Variants in BRD7 observed in about 807,000 individuals in gnomAD.
BRD7 encodes the protein bromodomain containing 7.
Under a neutral mutation model 82.1 loss-of-function variants are expected in BRD7, and 15 were observed. The ratio of observed to expected loss-of-function variants is 0.18; its 90% CI spans 0.12 to 0.28. BRD7 has a LOEUF of 0.28. BRD7 is among the 10% of genes least tolerant of loss of function. The pLI, the probability that BRD7 is intolerant of heterozygous loss-of-function variation, is 1.00. For missense variants in BRD7, 638 were observed against 779.9 expected (o/e 0.82, Z 2.17); for synonymous variants, 232 against 266.9 (o/e 0.87, Z 1.27).
intron 2 of BRD7, among the ~76,000 whole-genome samples, chr16:50,367,566 T>TACTC (rs2039195200): frequency 1.3e-5 from 2 of 152,248 alleles, no homozygotes; most frequent in African/African-American, 4.8e-5. Context: ...AGATGGTAGC[T>TACTC]ACTCATTCTT....
chr16:50,365,851 C>A (rs116752273), intron 2 of BRD7, among the ~76,000 whole-genome samples: 1 of 151,624 alleles, frequency 6.6e-6, no homozygotes, highest in African/African-American at 2.4e-5. Flanking sequence ...ATCTAAAGGG[C>A]AGGAGTTCCA....
At position 50,368,782 on chromosome 16, in the gene BRD7, C is replaced by A; in HGVS notation, c.-8G>T. On this transcript the variant is annotated 5_prime_UTR_variant, in exon 1 of 17. Transcript: ENST00000394688. The stretch of plus-strand genomic sequence containing the variant: ...CTTGTGCTTCTTGCCCATGTCCGAC[C>A]GGGCCCCGGTGCCCGCCCCCCGCGC... 4 of 1,527,914 alleles carry A rather than the reference C, an allele frequency of 2.6e-6. No individual in the cohort carries two copies. The highest frequency in any genetic ancestry group is 2.6e-6 in the Non-Finnish European group (3 of 1,137,362). The allele number at this position is 1,527,914 out of a possible 1,614,324, so 94.6% of individuals were successfully genotyped here.
chr16:50,338,170 T>C (rs1324782707), intron 6 of BRD7, among the ~76,000 whole-genome samples: 2 of 152,196 alleles, frequency 1.3e-5, no homozygotes, highest in East Asian at 3.8e-4. Context: ...TTCCATGTCT[T>C]TAAACCTGGA....
At chr16:50,321,438 G>GC (rs1300457177) in intron 13 of BRD7, among the ~76,000 whole-genome samples, 1 of 151,910 alleles carries the variant, frequency 6.6e-6, no homozygotes, top group East Asian at 1.9e-4. Context: ...ATGGTGGCAT[G>GC]CACCTGTAAT....
intron 6 of BRD7, among the ~76,000 whole-genome samples, chr16:50,337,674 G>GTT (rs1730494843): frequency 1.3e-5 from 2 of 152,174 alleles, no homozygotes; most frequent in Non-Finnish European, 2.9e-5. Flanking sequence ...TTCAAAAACA[G>GTT]TTATCTTTGA....
chr16:50,368,476 G>C, intron 1 of BRD7, 178 bp from the exon 2 acceptor site: 1 of 801,070 alleles, frequency 1.2e-6, no homozygotes, highest in Non-Finnish European at 1.9e-6. Flanking sequence ...CGCCCGCCCC[G>C]AACGCTCCCA....
At position 50,354,343 on chromosome 16, in the gene BRD7, G is replaced by C. The variant is rs1005222078; in HGVS notation, c.446+82C>G. ...TTCACTTTAAAATCACGTATGTTTG[G>C]AGTTAGGCACAAATGTGGTTTGGAT... On this transcript the variant is annotated intron_variant, in intron 4 of 16. Transcript: ENST00000394688. 2.6e-6 allele frequency: 3 copies of C among 1,172,652 alleles called. No homozygotes were observed. The African/African-American group carries it at 4.7e-5, about 18-fold the overall frequency. 72.6% of individuals were successfully genotyped at this position (1,172,652 alleles called of 1,614,324 possible). A position where few individuals can be genotyped will look rare whatever the true frequency, so the allele number is the denominator to read the frequency against.
At position 50,332,705 on chromosome 16, in the gene BRD7, C is replaced by A. The variant is rs561759004; in HGVS notation, c.1011+869G>T. ...TTTGTATGTTTACTGCAGCACTGTG[C>A]ACAACAAAGACACAGAATCAACCTA... is the stretch of plus-strand genomic sequence containing the variant. On this transcript the variant is annotated intron_variant, in intron 8 of 16. Transcript: ENST00000394688. 2.6e-5 allele frequency among the ~76,000 whole-genome samples: 4 copies of A among 152,082 alleles called. No homozygotes were observed. In the South Asian group the frequency reaches 8.3e-4, roughly 32 times the overall value.
At chr16:50,334,578 C>T in intron 7 of BRD7, 133 bp downstream of exon 7, 1 of 1,057,276 alleles carries the variant, frequency 9.5e-7, no homozygotes, top group Non-Finnish European at 1.4e-6. Context: ...TCAAAATGGA[C>T]TTTCATGCCA....
At chr16:50,361,868 T>G (rs1005005421) in intron 2 of BRD7, 1 of 149,758 alleles carries the variant, frequency 6.7e-6, no homozygotes, top group African/African-American at 2.6e-5. Context: ...AATCCTCTGG[T>G]GTGTGGGCTT....
At chr16:50,353,238 AT>A (rs542414274) in intron 4 of BRD7, among the ~76,000 whole-genome samples, 35 of 151,536 alleles carry the variant, frequency 2.3e-4, no homozygotes, top group Non-Finnish European at 3.7e-4. Context: ...GATAATTTTT[AT>A]TTTTTTGTAG....
Position 50,356,737 on chromosome 16 carries a change from T to TACAC in BRD7, c.259-1816_259-1815insGTGT, listed in dbSNP as rs147556563. Among the ~76,000 whole-genome samples the TACAC allele has an allele frequency of 1.2e-3, 181 of 147,110 alleles. 1 individual carries two copies. The highest frequency in any genetic ancestry group is 5.4e-3 in the East Asian group (23 of 4,246). On this transcript the variant is annotated intron_variant, in intron 2 of 16. Transcript: ENST00000394688. Reference sequence around the variant, plus strand: ...GGGAAAAAAAAAATATATATATATATATACACACACACACACACATATATA... The same window carrying TACAC: ...GGGAAAAAAAAAATATATATATATATACACATACACACACACACACACATATATA...
chr16:50,319,916 A>G lies in BRD7; in HGVS notation c.1871T>C (p.Met624Thr), dbSNP rs200438702. 4.3e-6 allele frequency: 7 copies of G among 1,612,278 alleles called. No homozygotes were observed. Among genetic ancestry groups the G allele is most frequent in the African/African-American group, 1.3e-5 (1 of 75,002 alleles). ...TGTCAAATCCACAAAGTTGTTTTCC[A>G]TGACGGGGGAAGGAATGGAAATCCC... ...AMGISIPSPVMENNFVDLTED... is the reference protein window; with the variant it reads ...AMGISIPSPVTENNFVDLTED... The change falls in exon 16 of 17, where the codon ATG (methionine) becomes ACG (threonine). Residue 624 changes from methionine (M) to threonine (T), a missense_variant. Physicochemically the swap from Met to Thr is moderately conservative, Grantham distance 81 (BLOSUM62 -1). Transcript: ENST00000394688.
chr16:50,328,125 T>C (rs757679365), intron 9 of BRD7, among the ~76,000 whole-genome samples: 4 of 152,240 alleles, frequency 2.6e-5, no homozygotes, highest in Admixed American at 1.3e-4. Flanking sequence ...ATATAACCTA[T>C]ATGATTTCCA....
rs1195404312 is a variant in BRD7, at chr16:50,317,297, C to T, written c.*1914G>A. ...AGCCTCGCTTAAGTTGCCTTTTTTA[C>T]ACACCAAAACTTTTTACATGAAGGG... is the stretch of plus-strand genomic sequence containing the variant. On this transcript the variant is annotated 3_prime_UTR_variant, in exon 17 of 17. Transcript: ENST00000394688. The T allele has an allele frequency of 6.6e-6, 1 of 152,518 alleles. No individual in the cohort carries two copies. Among genetic ancestry groups the T allele is most frequent in the Non-Finnish European group, 1.5e-5 (1 of 68,042 alleles). The allele number at this position is 152,518 out of a possible 1,614,324, so 9.4% of individuals were successfully genotyped here.
intron 6 of BRD7, among the ~76,000 whole-genome samples, chr16:50,338,744 C>T (rs563812921): frequency 2.6e-5 from 4 of 152,204 alleles, no homozygotes; most frequent in East Asian, 3.9e-4. Flanking sequence ...CAGACTAAAC[C>T]CTTCTTTAGG....
chr16:50,320,449 T>A (rs1039909435), intron 14 of BRD7, 58 bp from the exon 15 acceptor site: 4 of 1,584,150 alleles, frequency 2.5e-6, no homozygotes, highest in African/African-American at 2.7e-5. Context: ...AACCGAATCC[T>A]AGGCTCTAGG....
At chr16:50,350,262 CAG>C (rs1392806605) in intron 4 of BRD7, 95 bp from the exon 5 acceptor site, 2 of 881,022 alleles carry the variant, frequency 2.3e-6, no homozygotes, top group African/African-American at 3.5e-5. Flanking sequence ...CCTTCAGATG[CAG>C]AAAGAATTTG....
rs1048425459 is a variant in BRD7, at chr16:50,320,017, G to T, written c.1770C>A (p.Thr590=). 5 of 1,608,364 alleles carry T rather than the reference G, an allele frequency of 3.1e-6. No individual in the cohort carries two copies. The highest frequency in any genetic ancestry group is 3.4e-6 in the Non-Finnish European group (4 of 1,178,076). Residue 590 remains threonine (T), a synonymous_variant, in exon 16 of 17, where the codon ACC becomes ACA. Transcript: ENST00000394688. ...GCTGTGCAAGTTCTTTAAGATTATT[G>T]GTCACTTGTTCAGCTAAAAAGAAAA... ...YREMHLAEQV[T]NNLKELAQQV... is the part of the protein sequence containing the mutation.
Sources: gnomAD v4.1 joint callset for allele counts (sites outside exome capture counted in the v4.1 genomes callset) on GRCh38, gnomAD v4.1.1 for gene constraint, MANE v1.5 for transcripts, NCBI Gene and HGNC (gene_info 2026-07-23, HGNC 2026-07-21) for gene names.